The following LMBRD1 variants were observed in gnomAD, a reference collection of about 807,000 sequenced individuals.
LMBRD1 encodes the protein lysosomal cobalamin transport escort protein LMBD1.
Under a neutral mutation model 74.8 loss-of-function variants are expected in LMBRD1, and 64 were observed. That is an observed-to-expected ratio of 0.86 (90% CI 0.70 to 1.05). LMBRD1 has a LOEUF of 1.05. LMBRD1 is among the 50% of genes least tolerant of loss of function. The pLI, the probability that LMBRD1 is intolerant of heterozygous loss-of-function variation, is 0.00. For missense variants in LMBRD1, 652 were observed against 645.9 expected (o/e 1.01, Z -0.10); for synonymous variants, 204 against 216.3 (o/e 0.94, Z 0.50).
chr6:69,753,912 G>A (rs1765217348), intron 3 of LMBRD1, among the ~76,000 whole-genome samples: 1 of 151,450 alleles, frequency 6.6e-6, no homozygotes, highest in East Asian at 1.9e-4. Flanking sequence ...CTGCACTCCA[G>A]CCTGGGCGAG....
At chr6:69,699,982 T>C (rs1359923881) in intron 12 of LMBRD1, among the ~76,000 whole-genome samples, 1 of 151,856 alleles carries the variant, frequency 6.6e-6, no homozygotes, top group African/African-American at 2.4e-5. Flanking sequence ...TCTTGTTTTA[T>C]TGATATAATT....
intron 3 of LMBRD1, among the ~76,000 whole-genome samples, chr6:69,761,252 T>A (rs1765366129): frequency 1.3e-5 from 2 of 152,166 alleles, no homozygotes; most frequent in South Asian, 4.1e-4. Context: ...TCCCCATGGA[T>A]ATTTTTGGTT....
At chr6:69,692,250 C>G (rs534395460) in intron 14 of LMBRD1, among the ~76,000 whole-genome samples, 2 of 150,350 alleles carry the variant, frequency 1.3e-5, no homozygotes, top group South Asian at 2.1e-4. Flanking sequence ...CCCTATTGGT[C>G]ATGTGATTAT....
intron 5 of LMBRD1, among the ~76,000 whole-genome samples, chr6:69,744,085 C>T (rs1767165534): frequency 6.6e-6 from 1 of 152,046 alleles, no homozygotes; most frequent in East Asian, 1.9e-4. Flanking sequence ...ATCAGGTATA[C>T]TAAAGCATTT....
Position 69,699,267 on chromosome 6 carries a change from G to C in LMBRD1, c.1189-75C>G, listed in dbSNP as rs9446157. 0.088 allele frequency: 116,547 copies of C among 1,322,446 alleles called. 6,098 individuals carry two copies. The highest frequency in any genetic ancestry group is 0.2 in the Admixed American group (11,474 of 58,752). The allele number at this position is 1,322,446 out of a possible 1,614,324, so 81.9% of individuals were successfully genotyped here. On this transcript the variant is annotated intron_variant, in intron 12 of 15. Transcript: ENST00000649934. ...GCATTAAATCCTTTTCTTGTGTTAT[G>C]GGAAATGATTTACACAGTTCAATCA...
intron 1 of LMBRD1, among the ~76,000 whole-genome samples, chr6:69,794,343 T>C (rs1314461479): frequency 6.6e-6 from 1 of 152,196 alleles, no homozygotes; most frequent in East Asian, 1.9e-4. Flanking sequence ...ATAAATTCAT[T>C]TTATTGAAAT....
At chr6:69,781,367 T>C (rs1765832990) in intron 2 of LMBRD1, among the ~76,000 whole-genome samples, 1 of 152,194 alleles carries the variant, frequency 6.6e-6, no homozygotes, top group Non-Finnish European at 1.5e-5. Context: ...AAAGGACTTA[T>C]CACTGCTATT....
chr6:69,700,914 C>T, intron 11 of LMBRD1, 45 bp from the exon 12 acceptor site: 1 of 1,164,964 alleles, frequency 8.6e-7, no homozygotes, highest in Non-Finnish European at 1.2e-6. Flanking sequence ...AAACTATAAG[C>T]ACTCTAACAG....
At chr6:69,710,579 C>T (rs1235727265) in intron 9 of LMBRD1, among the ~76,000 whole-genome samples, 1 of 152,034 alleles carries the variant, frequency 6.6e-6, no homozygotes, top group Non-Finnish European at 1.5e-5. Flanking sequence ...CGATACAATA[C>T]ATATATGTGA....
intron 14 of LMBRD1, among the ~76,000 whole-genome samples, chr6:69,696,788 C>G (rs1766010568): frequency 6.6e-6 from 1 of 151,924 alleles, no homozygotes; most frequent in Non-Finnish European, 1.5e-5. Context: ...CATAGTTGAC[C>G]CTGCTATAAA....
At chr6:69,792,361 C>A (rs1281692982) in intron 1 of LMBRD1, among the ~76,000 whole-genome samples, 1 of 152,220 alleles carries the variant, frequency 6.6e-6, no homozygotes, top group Non-Finnish European at 1.5e-5. Flanking sequence ...TATCTGTTTT[C>A]TGCCCCTATA....
intron 7 of LMBRD1, among the ~76,000 whole-genome samples, chr6:69,721,442 G>A (rs1357644977): frequency 2.6e-5 from 4 of 152,128 alleles, no homozygotes; most frequent in Non-Finnish European, 5.9e-5. Flanking sequence ...CCCCATTCCA[G>A]GGCCTAGCTC....
chr6:69,703,506 C>T (rs528831496), intron 9 of LMBRD1, among the ~76,000 whole-genome samples: 16 of 151,296 alleles, frequency 1.1e-4, no homozygotes, highest in African/African-American at 3.6e-4. Context: ...TAGCTATCTT[C>T]CAAATCTGTA....
chr6:69,758,965 C>T (rs1425826875), intron 3 of LMBRD1, among the ~76,000 whole-genome samples: 1 of 152,078 alleles, frequency 6.6e-6, no homozygotes. Context: ...ATCACTCCAT[C>T]TGATATGGTA....
chr6:69,677,880 T>G (rs1765579296), intron 14 of LMBRD1, among the ~76,000 whole-genome samples: 1 of 152,144 alleles, frequency 6.6e-6, no homozygotes, highest in Non-Finnish European at 1.5e-5. Flanking sequence ...GCAGACTGGT[T>G]ATTTGATATT....
rs2305839 is a variant in LMBRD1 at position 69,790,571 on chromosome 6, T to G, written c.70-99A>C. 0.4 allele frequency: 468,058 copies of G among 1,182,166 alleles called. 95,449 individuals are homozygous for G. Among genetic ancestry groups the G allele is most frequent in the East Asian group, 0.55 (22,840 of 41,728 alleles). 73.2% of individuals were successfully genotyped at this position (1,182,166 alleles called of 1,614,324 possible). On this transcript the variant is annotated intron_variant, in intron 1 of 15. Transcript: ENST00000649934. Reference sequence around the variant, plus strand: ...TTCTAGCAGGAAACCTTATGTGAAGTAAAGGTTATTTTAGTTGTGTAAGGA... The same window carrying G: ...TTCTAGCAGGAAACCTTATGTGAAGGAAAGGTTATTTTAGTTGTGTAAGGA...
At chr6:69,729,307 T>C (rs1363374371) in intron 7 of LMBRD1, among the ~76,000 whole-genome samples, 1 of 151,010 alleles carries the variant, frequency 6.6e-6, no homozygotes, top group Non-Finnish European at 1.5e-5. Context: ...CCCTGACTTG[T>C]AAATGTCCCT....
intron 14 of LMBRD1, among the ~76,000 whole-genome samples, chr6:69,682,094 G>T (rs983235338): frequency 6.6e-6 from 1 of 151,754 alleles, no homozygotes; most frequent in African/African-American, 2.4e-5. Flanking sequence ...CACGTAAAAA[G>T]ATTTCGGAAA....
intron 14 of LMBRD1, among the ~76,000 whole-genome samples, chr6:69,694,317 T>C (rs1256779466): frequency 1.3e-5 from 2 of 152,204 alleles, no homozygotes; most frequent in Admixed American, 6.5e-5. Flanking sequence ...TTCAAGGTCA[T>C]TGACTTCTTA....
Sources: gnomAD v4.1 joint callset for allele counts (sites outside exome capture counted in the v4.1 genomes callset) on GRCh38, gnomAD v4.1.1 for gene constraint, MANE v1.5 for transcripts, NCBI Gene and HGNC (gene_info 2026-07-23, HGNC 2026-07-21) for gene names.